The following SP140 variants were observed in gnomAD, a reference collection of about 807,000 sequenced individuals.
SP140 encodes nuclear body protein SP140.
SP140 carries 81 observed loss-of-function variants against 125.0 expected under a neutral mutation model. The observed-to-expected ratio is 0.65, with a 90% CI of 0.54 to 0.78. The LOEUF (loss-of-function observed/expected upper bound fraction) is 0.78, where lower values mean the gene tolerates loss of function less well. SP140 is among the 30% of genes least tolerant of loss of function. The probability of loss-of-function intolerance (pLI) is 0.00; values close to 1 mark genes in which losing one functional copy is unlikely to be tolerated. For missense variants in SP140, 858 were observed against 1,037.0 expected (o/e 0.83, Z 2.37); for synonymous variants, 312 against 354.0 (o/e 0.88, Z 1.33).
At chr2:230,248,152 GAC>G (rs1466540923) in intron 8 of SP140, 87 bp downstream of exon 8, 2 of 1,305,986 alleles carry the variant, frequency 1.5e-6, no homozygotes, top group African/African-American at 2.9e-5. Flanking sequence ...CAAGGTTTCT[GAC>G]AGTCTCTATC....
chr2:230,237,373 C>T lies in SP140; in HGVS notation c.237+113C>T. The T allele has an allele frequency of 2.2e-6, 2 of 889,328 alleles. No homozygotes were observed. The highest frequency in any genetic ancestry group is 1.6e-5 in the South Asian group (1 of 62,116). The allele number at this position is 889,328 out of a possible 1,614,324, so 55.1% of individuals were successfully genotyped here. On this transcript the variant is annotated intron_variant, in intron 2 of 26. Transcript: ENST00000392045. The surrounding 1 kb of genome is among the most constrained non-coding windows in gnomAD (Gnocchi z 5.4). Reference sequence around the variant, plus strand: ...CCTGTGAGTGGGGACCTTCACCATTCTGTAGGTTAGGAGGTGACAGGAGAA... The same window carrying T: ...CCTGTGAGTGGGGACCTTCACCATTTTGTAGGTTAGGAGGTGACAGGAGAA...
At chr2:230,204,764 T>C (rs1184921011) in intron 1 of SP140, among the ~76,000 whole-genome samples, 2 of 152,182 alleles carry the variant, frequency 1.3e-5, no homozygotes, top group Non-Finnish European at 2.9e-5. Flanking sequence ...CCAGCTTGGC[T>C]AATTTAGGGG....
At position 230,237,333 on chromosome 2, in the gene SP140, C is replaced by A; in HGVS notation, c.237+73C>A. Reference sequence around the variant, plus strand: ...ATGCCAAACTTCAAGATGCAATGAGCAGGCTAAAGGGCCTCCTGTGAGTGG... The same window carrying A: ...ATGCCAAACTTCAAGATGCAATGAGAAGGCTAAAGGGCCTCCTGTGAGTGG... On this transcript the variant is annotated intron_variant, in intron 2 of 26. Coordinates refer to ENST00000392045, the MANE Select transcript of SP140 (RefSeq NM_007237.5). This position sits in a 1 kb window ranked among gnomAD's most constrained non-coding sequence, Gnocchi z 5.4. 1 of 1,417,096 alleles carries A rather than the reference C, an allele frequency of 7.1e-7. No homozygotes were observed. The highest frequency in any genetic ancestry group is 9.8e-7 in the Non-Finnish European group (1 of 1,020,134). 87.8% of individuals were successfully genotyped at this position (1,417,096 alleles called of 1,614,324 possible). A position where few individuals can be genotyped will look rare whatever the true frequency, so the allele number is the denominator to read the frequency against.
intron 9 of SP140, among the ~76,000 whole-genome samples, chr2:230,249,900 G>T (rs980936327): frequency 6.6e-6 from 1 of 152,164 alleles, no homozygotes; most frequent in Admixed American, 6.5e-5. Context: ...AGCATACTCA[G>T]AGAGTAAGAG....
chr2:230,233,382 G>C (rs1021247472), intron 1 of SP140, among the ~76,000 whole-genome samples: 1 of 151,862 alleles, frequency 6.6e-6, no homozygotes, highest in Non-Finnish European at 1.5e-5. Flanking sequence ...GCGAGATTCC[G>C]TCTCAAAACA....
upstream of SP140, among the ~76,000 whole-genome samples, chr2:230,199,649 A>G (rs2043043909): frequency 6.6e-6 from 1 of 152,142 alleles, no homozygotes. Flanking sequence ...CTAGAATGGC[A>G]TAATAACAGT....
chr2:230,224,810 C>G (rs963409136), upstream of SP140, among the ~76,000 whole-genome samples: 1 of 152,212 alleles, frequency 6.6e-6, no homozygotes, highest in Non-Finnish European at 1.5e-5. Flanking sequence ...GCCCTGGATT[C>G]TACCCATACC....
chr2:230,202,792 C>CTGATTGGGACTGT, upstream of SP140: 1 of 1,491,366 alleles, frequency 6.7e-7, no homozygotes, highest in Non-Finnish European at 9.4e-7. Flanking sequence ...CCTACAGTCC[C>CTGATTGGGACTGT]AATCAGTGAC....
intron 15 of SP140, among the ~76,000 whole-genome samples, chr2:230,280,979 A>G (rs1575181337): frequency 6.6e-6 from 1 of 152,248 alleles, no homozygotes; most frequent in African/African-American, 2.4e-5. Context: ...TTTTAGCTAC[A>G]TTAAAAATTC....
intron 3 of SP140, 61 bp downstream of exon 3, chr2:230,238,442 A>G (rs567672723): frequency 1.4e-6 from 2 of 1,459,750 alleles, no homozygotes; most frequent in Admixed American, 4.1e-5. Context: ...TGATTCATTC[A>G]TTCACTCTTC....
intron 15 of SP140, among the ~76,000 whole-genome samples, chr2:230,283,920 C>A (rs778319093): frequency 6.6e-6 from 1 of 152,128 alleles, no homozygotes; most frequent in Non-Finnish European, 1.5e-5. Context: ...TGAAAACTCT[C>A]CATATCAGAG....
intron 22 of SP140, among the ~76,000 whole-genome samples, chr2:230,309,488 T>G (rs1277731215): frequency 6.6e-6 from 1 of 152,190 alleles, no homozygotes; most frequent in Non-Finnish European, 1.5e-5. Context: ...GCCAAGAATA[T>G]GGGATGTGGT....
At chr2:230,212,407 T>C in intron 1 of SP140, 1 of 1,612,530 alleles carries the variant, frequency 6.2e-7, no homozygotes, top group Non-Finnish European at 8.5e-7. Flanking sequence ...GCATTCATTT[T>C]GGATGTTAAC....
At chr2:230,270,885 A>G in intron 15 of SP140, 2 of 546,134 alleles carry the variant, frequency 3.7e-6, no homozygotes, top group Non-Finnish European at 7.1e-6. Flanking sequence ...ATCCTGGGTT[A>G]TGGGGTGGGC....
rs1189781158 is a variant in SP140, at chr2:230,209,801, C to T, written c.-322-3853C>T. 5.5e-6 allele frequency: 4 copies of T among 722,992 alleles called. No homozygotes were observed. In the East Asian group the frequency reaches 7.4e-5, roughly 13 times the overall value. 44.8% of individuals were successfully genotyped at this position (722,992 alleles called of 1,614,324 possible). On this transcript the variant is annotated intron_variant, in intron 1 of 4. Transcript: ENST00000456542. Reference sequence around the variant, plus strand: ...TGGAAGATGCAGCAAATGGAAACTGCAGAAACGAACTGTGTGTGGCATCAG... The same window carrying T: ...TGGAAGATGCAGCAAATGGAAACTGTAGAAACGAACTGTGTGTGGCATCAG...
intron 17 of SP140, among the ~76,000 whole-genome samples, chr2:230,286,941 T>C (rs1458352764): frequency 6.6e-6 from 1 of 152,230 alleles, no homozygotes; most frequent in Non-Finnish European, 1.5e-5. Flanking sequence ...CTCATGGGCC[T>C]ACATGACCCT....
intron 3 of SP140, 119 bp downstream of exon 3, chr2:230,238,500 C>G: frequency 1.0e-6 from 1 of 988,690 alleles, no homozygotes; most frequent in East Asian, 2.6e-5. Flanking sequence ...CATGCCAAGC[C>G]CAGGGGGAAT....
At chr2:230,285,631 TG>T in intron 16 of SP140, 120 bp from the exon 17 acceptor site, 1 of 784,356 alleles carries the variant, frequency 1.3e-6, no homozygotes, top group Non-Finnish European at 2.1e-6. Flanking sequence ...AAAAATGCTC[TG>T]GACACCTGCT....
Position 230,237,381 on chromosome 2 carries a change from T to C in SP140, c.237+121T>C. ...TGGGGACCTTCACCATTCTGTAGGT[T>C]AGGAGGTGACAGGAGAAGCAGGCAT... On this transcript the variant is annotated intron_variant, in intron 2 of 26. Coordinates refer to ENST00000392045, the MANE Select transcript of SP140 (RefSeq NM_007237.5). This position sits in a 1 kb window ranked among gnomAD's most constrained non-coding sequence, Gnocchi z 5.4. 1.2e-6 allele frequency: 1 copy of C among 820,418 alleles called. No homozygotes were observed. The highest frequency in any genetic ancestry group is 1.9e-6 in the Non-Finnish European group (1 of 524,354). 50.8% of individuals were successfully genotyped at this position (820,418 alleles called of 1,614,324 possible). A position where few individuals can be genotyped will look rare whatever the true frequency, so the allele number is the denominator to read the frequency against.
Sources: allele counts gnomAD v4.1 joint callset (sites outside exome capture counted in the v4.1 genomes callset), GRCh38; gene constraint gnomAD v4.1.1; non-coding constraint Gnocchi (gnomAD v3.1); transcripts MANE v1.5; gene names NCBI Gene and HGNC (gene_info 2026-07-23, HGNC 2026-07-21).